OR51E2: variants seen among roughly 807,000 people sequenced by gnomAD.
OR51E2 encodes olfactory receptor family 51 subfamily E member 2.
In OR51E2, 14 loss-of-function variants were observed where a neutral mutation model predicts 13.7. That is an observed-to-expected ratio of 1.02 (90% CI 0.68 to 1.60). The LOEUF (loss-of-function observed/expected upper bound fraction) is 1.60, where lower values mean the gene tolerates loss of function less well. Among genes scored for constraint, OR51E2 ranks in the 40% most tolerant of loss-of-function variants. OR51E2 has a pLI of 0.00. For synonymous variants in OR51E2, 180 were observed against 157.6 expected, an observed-to-expected ratio of 1.14 and a Z score of -1.07; for missense variants, 483 against 413.8, an observed-to-expected ratio of 1.17 and a Z score of -1.45.
intron 1 of OR51E2, among the ~76,000 whole-genome samples, chr11:4,683,574 C>T (rs1205879294): frequency 1.3e-5 from 2 of 152,156 alleles, no homozygotes; most frequent in Admixed American, 1.3e-4. Flanking sequence ...TACCTCCGCA[C>T]CTGAAAGCTT....
rs569154911 is a variant in OR51E2, at chr11:4,682,447, G to A, written c.265C>T (p.Arg89Ter). 21 of 1,614,072 alleles carry A rather than the reference G, an allele frequency of 1.3e-5. No homozygotes were observed. Among genetic ancestry groups the A allele is most frequent in the South Asian group, 3.3e-5 (3 of 91,080 alleles). ...AGACAGGCCTCAAAGCTAATCTCTC[G>A]GGAATCAAACCAGAAAAGGGCAAGG... ...KILALFWFDS[R>*]EISFEACLTQ... is the part of the protein sequence containing the mutation. Residue 89 changes from arginine to a stop codon, truncating the protein, a stop_gained, in exon 2 of 2, where the codon CGA becomes TGA. Transcript: ENST00000396950. LOFTEE classifies it high-confidence loss of function.
At chr11:4,686,056 A>G (rs1847512167) in intron 1 of OR51E2, among the ~76,000 whole-genome samples, 3 of 152,214 alleles carry the variant, frequency 2.0e-5, no homozygotes. Flanking sequence ...AATGGAGTTA[A>G]TTAATTCATT....
At chr11:4,693,193 T>C (rs1847607757) in intron 1 of OR51E2, among the ~76,000 whole-genome samples, 1 of 152,310 alleles carries the variant, frequency 6.6e-6, no homozygotes, top group East Asian at 1.9e-4. Flanking sequence ...CATACATGTA[T>C]AACAACATCA....
At chr11:4,687,821 A>T (rs1015936239) in intron 1 of OR51E2, among the ~76,000 whole-genome samples, 1 of 152,180 alleles carries the variant, frequency 6.6e-6, no homozygotes, top group Non-Finnish European at 1.5e-5. Flanking sequence ...GGCAGACCAG[A>T]GAGGTCAGGA....
chr11:4,681,395 A>G lies in OR51E2; in HGVS notation c.*354T>C, dbSNP rs1847448288. The G allele has an allele frequency of 4.5e-6, 1 of 223,210 alleles. No homozygotes were observed. Among genetic ancestry groups the G allele is most frequent in the South Asian group, 8.3e-5 (1 of 12,058 alleles). 13.8% of individuals were successfully genotyped at this position (223,210 alleles called of 1,614,324 possible). ...TGTGACAGCTAACCATAATAAAAAA[A>G]AAAGAAAGAAAAAAGAGAGAGAAAG... On this transcript the variant is annotated 3_prime_UTR_variant, in exon 2 of 2. Coordinates refer to ENST00000396950, the MANE Select transcript of OR51E2 (RefSeq NM_030774.4).
chr11:4,692,502 C>T (rs933267293), intron 1 of OR51E2, among the ~76,000 whole-genome samples: 6 of 152,160 alleles, frequency 3.9e-5, no homozygotes, highest in Admixed American at 2.0e-4. Context: ...TAGGAGATAC[C>T]TAATTGAATG....
intron 1 of OR51E2, among the ~76,000 whole-genome samples, chr11:4,686,819 T>C (rs1045480499): frequency 2.6e-5 from 4 of 152,040 alleles, no homozygotes; most frequent in African/African-American, 7.2e-5. Context: ...GGTCAGAGCA[T>C]GACATTTGTT....
chr11:4,691,968 G>C (rs1267985383), intron 1 of OR51E2, among the ~76,000 whole-genome samples: 3 of 152,134 alleles, frequency 2.0e-5, no homozygotes, highest in African/African-American at 7.2e-5. Flanking sequence ...TTTATATCAT[G>C]TGACCACTCC....
chr11:4,693,673 G>T (rs111397697), intron 1 of OR51E2, among the ~76,000 whole-genome samples: 1,622 of 152,228 alleles, frequency 0.011, 20 homozygotes, highest in African/African-American at 0.037. Flanking sequence ...GGTGAACCGA[G>T]ATGGCGCCAT....
intron 1 of OR51E2, among the ~76,000 whole-genome samples, chr11:4,685,449 A>G (rs957593826): frequency 2.0e-5 from 3 of 152,208 alleles, no homozygotes; most frequent in Admixed American, 6.5e-5. Context: ...GTGACTAGGC[A>G]TGGTCCTTGG....
rs1375945675 is a variant in OR51E2 at position 4,680,662 on chromosome 11, G to A, written c.*1087C>T. ...CACTTATAATAAAGAGACACAAATG[G>A]TACCTACTCCATAAAGTTACGAAGA... is the stretch of plus-strand genomic sequence containing the variant. On this transcript the variant is annotated 3_prime_UTR_variant, in exon 2 of 2. Transcript: ENST00000396950. 1 of 152,670 alleles carries A rather than the reference G, an allele frequency of 6.6e-6. No individual in the cohort carries two copies. The highest frequency in any genetic ancestry group is 1.5e-5 in the Non-Finnish European group (1 of 68,010). 9.5% of individuals were successfully genotyped at this position (152,670 alleles called of 1,614,324 possible). A position where few individuals can be genotyped will look rare whatever the true frequency, so the allele number is the denominator to read the frequency against.
rs746603434 is a variant in OR51E2 at position 4,682,277 on chromosome 11, G to A, written c.435C>T (p.Ile145=). The change falls in exon 2 of 2, where the codon ATC becomes ATT. Residue 145 remains isoleucine (I), a synonymous_variant. Coordinates refer to ENST00000396950, the MANE Select transcript of OR51E2 (RefSeq NM_030774.4). ...LNNTVTAQIG[I]VAVVRGSLFF... ...AGAGGGATCCGCGGACCACAGCCACGATGCCAATCTGGGCTGTTACTGTAT... is the reference window on the plus strand; with the variant it reads ...AGAGGGATCCGCGGACCACAGCCACAATGCCAATCTGGGCTGTTACTGTAT... 6.8e-6 allele frequency: 11 copies of A among 1,614,188 alleles called. No homozygotes were observed. In the Admixed American group the frequency reaches 1.2e-4, roughly 17 times the overall value.
At chr11:4,697,560 T>C (rs1589876988) in intron 1 of OR51E2, 93 bp downstream of exon 1, 5 of 152,764 alleles carry the variant, frequency 3.3e-5, no homozygotes, top group African/African-American at 9.6e-5. Flanking sequence ...CTAATCTAAT[T>C]CTGCACATTG....
chr11:4,686,178 C>T (rs1029104959), intron 1 of OR51E2, among the ~76,000 whole-genome samples: 3 of 152,156 alleles, frequency 2.0e-5, no homozygotes, highest in African/African-American at 4.8e-5. Context: ...GTCATACACA[C>T]CTACCCAAAC....
chr11:4,691,635 T>G (rs1397274829), intron 1 of OR51E2: 2 of 440,320 alleles, frequency 4.5e-6, no homozygotes, highest in Non-Finnish European at 9.1e-6. Flanking sequence ...GTGGAAGGCT[T>G]CCAGCCCAGG....
chr11:4,683,449 C>T (rs573833118), intron 1 of OR51E2, among the ~76,000 whole-genome samples: 2 of 152,044 alleles, frequency 1.3e-5, no homozygotes, highest in South Asian at 2.1e-4. Context: ...GAAAAAAATG[C>T]CAAAAGTCAA....
intron 1 of OR51E2, chr11:4,691,029 C>T (rs1479221861): frequency 2.2e-6 from 1 of 456,348 alleles, no homozygotes; most frequent in Non-Finnish European, 4.4e-6. Flanking sequence ...AAGGACAGTC[C>T]TAATGATCAA....
chr11:4,688,993 A>C (rs1284728243), intron 1 of OR51E2, among the ~76,000 whole-genome samples: 2 of 152,212 alleles, frequency 1.3e-5, no homozygotes, highest in Non-Finnish European at 2.9e-5. Context: ...ATTATGAAAC[A>C]TTCAAGTAGT....
At chr11:4,685,122 C>G (rs1181949126) in intron 1 of OR51E2, 1 of 152,100 alleles carries the variant, frequency 6.6e-6, no homozygotes, top group Non-Finnish European at 1.5e-5. Context: ...TGGTTCAGGC[C>G]TTTTTAATAA....
Sources: allele counts gnomAD v4.1 joint callset (sites outside exome capture counted in the v4.1 genomes callset), GRCh38; gene constraint gnomAD v4.1.1; transcripts MANE v1.5; gene names NCBI Gene and HGNC (gene_info 2026-07-23, HGNC 2026-07-21).